The following PCDH9 variants were observed in gnomAD, a reference collection of about 807,000 sequenced individuals.
PCDH9 encodes protocadherin-9.
A neutral mutation model predicts 70.6 loss-of-function variants in PCDH9; 24 were observed. The observed-to-expected ratio is 0.34, with a 90% CI of 0.25 to 0.48. The LOEUF is 0.48. Among genes scored for constraint, PCDH9 ranks in the 20% least tolerant of loss-of-function variants. The pLI is 0.99. For synonymous variants in PCDH9, 562 were observed against 558.5 expected (o/e 1.01, Z -0.09); for missense variants, 1,281 against 1,503.6 (o/e 0.85, Z 2.45).
At chr13:66,344,430 A>C (rs1956181506) in intron 4 of PCDH9, among the ~76,000 whole-genome samples, 1 of 152,112 alleles carries the variant, frequency 6.6e-6, no homozygotes, top group Admixed American at 6.6e-5. Context: ...CCGGCCAATA[A>C]AGTATTTTTA....
chr13:66,384,038 C>A (rs897475967), intron 4 of PCDH9, among the ~76,000 whole-genome samples: 2 of 151,900 alleles, frequency 1.3e-5, no homozygotes, highest in African/African-American at 4.8e-5. Flanking sequence ...GTAATTTCGA[C>A]AACATGAAAT....
At chr13:66,653,894 G>T (rs1233960691) in intron 3 of PCDH9, among the ~76,000 whole-genome samples, 1 of 150,394 alleles carries the variant, frequency 6.6e-6, no homozygotes, top group African/African-American at 2.4e-5. Flanking sequence ...CTTGAACCCG[G>T]GAGGCAGAGC....
At chr13:66,990,715 G>A (rs2083985731) in intron 2 of PCDH9, among the ~76,000 whole-genome samples, 1 of 151,242 alleles carries the variant, frequency 6.6e-6, no homozygotes, top group African/African-American at 2.4e-5. Flanking sequence ...TCACATCTCT[G>A]AAGAGGGTAA....
chr13:67,190,189 A>G (rs939603221), intron 2 of PCDH9, among the ~76,000 whole-genome samples: 1 of 151,990 alleles, frequency 6.6e-6, no homozygotes, highest in African/African-American at 2.4e-5. Context: ...TAAAGATATT[A>G]CCTGATTCCT....
At chr13:66,571,355 T>C (rs1024138939) in intron 4 of PCDH9, among the ~76,000 whole-genome samples, 2 of 152,032 alleles carry the variant, frequency 1.3e-5, no homozygotes, top group Non-Finnish European at 2.9e-5. Flanking sequence ...TTTGAAAACA[T>C]TGACCCTTTG....
intron 2 of PCDH9, among the ~76,000 whole-genome samples, chr13:66,972,773 T>C (rs960771615): frequency 1.3e-5 from 2 of 152,024 alleles, no homozygotes; most frequent in Non-Finnish European, 2.9e-5. Flanking sequence ...ACAGAAACTC[T>C]GAAACTGGTT....
chr13:67,025,579 A>G (rs1161666524), intron 2 of PCDH9, among the ~76,000 whole-genome samples: 2 of 152,146 alleles, frequency 1.3e-5, no homozygotes, highest in East Asian at 1.9e-4. Flanking sequence ...GATTTACACA[A>G]CTTGCATTTG....
chr13:66,727,241 A>G (rs2079017340), intron 3 of PCDH9, among the ~76,000 whole-genome samples: 1 of 152,332 alleles, frequency 6.6e-6, no homozygotes, highest in Non-Finnish European at 1.5e-5. Flanking sequence ...AGCCAGGATG[A>G]CAGAGTGAGC....
chr13:66,326,452 TC>T (rs1289840820), intron 4 of PCDH9, among the ~76,000 whole-genome samples: 1 of 149,966 alleles, frequency 6.7e-6, no homozygotes, highest in Non-Finnish European at 1.5e-5. Context: ...AGAGTCTTGC[TC>T]CGTCGCCCAG....
At chr13:66,970,782 A>C (rs1404131562) in intron 2 of PCDH9, among the ~76,000 whole-genome samples, 1 of 151,930 alleles carries the variant, frequency 6.6e-6, no homozygotes, top group Non-Finnish European at 1.5e-5. Flanking sequence ...TCTGGCAGTG[A>C]AATTTGTTAT....
chr13:66,794,985 A>ACACACACG (rs1006513771), intron 3 of PCDH9, among the ~76,000 whole-genome samples: 3 of 151,614 alleles, frequency 2.0e-5, no homozygotes, highest in Admixed American at 1.3e-4. Flanking sequence ...AGGCACACAC[A>ACACACACG]CACACACACA....
intron 3 of PCDH9, among the ~76,000 whole-genome samples, chr13:66,689,746 C>G (rs12877610): frequency 1.3e-5 from 2 of 151,718 alleles, no homozygotes; most frequent in African/African-American, 4.8e-5. Context: ...AATAGACAAC[C>G]GCAGGCTGAG....
intron 2 of PCDH9, among the ~76,000 whole-genome samples, chr13:67,110,854 C>A (rs1217764911): frequency 6.6e-6 from 1 of 152,136 alleles, no homozygotes; most frequent in Non-Finnish European, 1.5e-5. Flanking sequence ...CCCAATGCAA[C>A]CTATTTTATC....
At chr13:66,323,017 C>A (rs1566240447) in intron 4 of PCDH9, among the ~76,000 whole-genome samples, 1 of 151,916 alleles carries the variant, frequency 6.6e-6, no homozygotes, top group Non-Finnish European at 1.5e-5. Context: ...TTTAACAGAA[C>A]TATTAAAATA....
intron 3 of PCDH9, among the ~76,000 whole-genome samples, chr13:66,892,974 T>C (rs1261041652): frequency 6.6e-6 from 1 of 152,148 alleles, no homozygotes; most frequent in Non-Finnish European, 1.5e-5. Flanking sequence ...TTGATTATAA[T>C]ATTAGAAAAT....
intron 4 of PCDH9, among the ~76,000 whole-genome samples, chr13:66,590,795 A>T (rs1042656217): frequency 7.2e-5 from 11 of 151,858 alleles, no homozygotes; most frequent in African/African-American, 2.7e-4. Flanking sequence ...CCCTAGACTT[A>T]AAAAATTTGT....
intron 4 of PCDH9, among the ~76,000 whole-genome samples, chr13:66,542,740 AT>A (rs1961018969): frequency 6.8e-6 from 1 of 147,312 alleles, no homozygotes; most frequent in Non-Finnish European, 1.5e-5. Flanking sequence ...ATAAATATAT[AT>A]CTCCGAGATA....
intron 4 of PCDH9, among the ~76,000 whole-genome samples, chr13:66,565,151 C>G (rs573987211): frequency 6.6e-6 from 1 of 152,106 alleles, no homozygotes. Flanking sequence ...CTATTACTAA[C>G]GCTTAGGTAC....
At chr13:66,401,204 T>G (rs995086275) in intron 4 of PCDH9, among the ~76,000 whole-genome samples, 5 of 152,134 alleles carry the variant, frequency 3.3e-5, no homozygotes, top group Non-Finnish European at 7.4e-5. Flanking sequence ...AATCTCATCT[T>G]GAATTGTAGT....
Sources: allele counts gnomAD v4.1 joint callset (sites outside exome capture counted in the v4.1 genomes callset), GRCh38; gene constraint gnomAD v4.1.1; transcripts MANE v1.5; gene names NCBI Gene and HGNC (gene_info 2026-07-23, HGNC 2026-07-21).